SPATA16: variants seen among roughly 807,000 people sequenced by gnomAD.
SPATA16 encodes spermatogenesis-associated protein 16.
In SPATA16, 36 loss-of-function variants were observed where a neutral mutation model predicts 63.3. The ratio of observed to expected loss-of-function variants is 0.57; its 90% CI spans 0.44 to 0.75. The LOEUF is 0.75. SPATA16 is among the 30% of genes least tolerant of loss of function. The pLI is 0.00. For synonymous variants in SPATA16, 203 were observed against 216.7 expected (o/e 0.94, Z 0.56); for missense variants, 646 against 679.3 (o/e 0.95, Z 0.54).
intron 6 of SPATA16, among the ~76,000 whole-genome samples, chr3:172,940,850 G>C (rs559337105): frequency 1.1e-3 from 160 of 152,208 alleles, no homozygotes; most frequent in African/African-American, 3.6e-3. Context: ...GGGCGTGGTG[G>C]CACGTGCCTG....
intron 4 of SPATA16, among the ~76,000 whole-genome samples, chr3:172,995,709 A>G (rs1734678222): frequency 1.3e-5 from 2 of 152,142 alleles, no homozygotes; most frequent in East Asian, 1.9e-4. Flanking sequence ...ACTCTTAAAC[A>G]TAATGGACTG....
intron 3 of SPATA16, among the ~76,000 whole-genome samples, chr3:173,033,723 G>T (rs1187406285): frequency 6.6e-6 from 1 of 151,988 alleles, no homozygotes; most frequent in Non-Finnish European, 1.5e-5. Context: ...GTTTTTAGGG[G>T]GGACGGAGTC....
At chr3:173,118,759 T>G (rs1158005131) in intron 1 of SPATA16, among the ~76,000 whole-genome samples, 1 of 152,154 alleles carries the variant, frequency 6.6e-6, no homozygotes, top group Non-Finnish European at 1.5e-5. Context: ...TGCTATTACC[T>G]TCCTAGGACT....
At chr3:173,003,721 T>C (rs954413427) in intron 4 of SPATA16, among the ~76,000 whole-genome samples, 1 of 152,196 alleles carries the variant, frequency 6.6e-6, no homozygotes. Context: ...ATAGAACTAA[T>C]TCAGAGGGAA....
chr3:173,025,972 G>A (rs1437278156), intron 3 of SPATA16, among the ~76,000 whole-genome samples: 1 of 151,914 alleles, frequency 6.6e-6, no homozygotes, highest in Non-Finnish European at 1.5e-5. Flanking sequence ...CTAAGCATAT[G>A]CTCAACTTTG....
At chr3:172,979,221 A>C (rs1734241430) in intron 4 of SPATA16, among the ~76,000 whole-genome samples, 1 of 151,834 alleles carries the variant, frequency 6.6e-6, no homozygotes, top group Admixed American at 6.6e-5. Context: ...TGGGCAACAG[A>C]GCAAGACTCT....
chr3:172,895,357 C>A (rs1458211492), intron 10 of SPATA16, among the ~76,000 whole-genome samples: 3 of 152,016 alleles, frequency 2.0e-5, no homozygotes, highest in African/African-American at 7.3e-5. Flanking sequence ...TTTTTTGAGA[C>A]AAGAGTCTTG....
intron 2 of SPATA16, among the ~76,000 whole-genome samples, chr3:173,082,654 A>G (rs1211302536): frequency 6.6e-6 from 1 of 152,184 alleles, no homozygotes; most frequent in Non-Finnish European, 1.5e-5. Flanking sequence ...GGTGGGTCTA[A>G]TGGGGGTTGT....
intron 6 of SPATA16, 74 bp from the exon 7 acceptor site, chr3:172,925,566 T>G: frequency 6.3e-7 from 1 of 1,589,036 alleles, no homozygotes; most frequent in Non-Finnish European, 8.6e-7. Flanking sequence ...CCCCCCAGAT[T>G]TCAGGAATTG....
At chr3:172,951,639 A>G (rs1293222196) in intron 6 of SPATA16, among the ~76,000 whole-genome samples, 1 of 152,162 alleles carries the variant, frequency 6.6e-6, no homozygotes, top group Non-Finnish European at 1.5e-5. Context: ...TACTGCCTGG[A>G]GGACCTCCAT....
At position 173,077,345 on chromosome 3, in the gene SPATA16, A is replaced by T. The variant is rs531116058; in HGVS notation, c.613-28251T>A. On this transcript the variant is annotated intron_variant, in intron 2 of 10. Coordinates refer to ENST00000351008, the MANE Select transcript of SPATA16 (RefSeq NM_031955.6). ...TCTAGAAAAAAACCCTATTGTTTTC[A>T]AATTTAAATACTTTAGGAGAAAAGA... is the stretch of plus-strand genomic sequence containing the variant. Among the ~76,000 whole-genome samples, 3 of 152,328 alleles carry T rather than the reference A, an allele frequency of 2.0e-5. No homozygotes were observed. The South Asian group carries it at 6.2e-4, about 32-fold the overall frequency.
intron 1 of SPATA16, among the ~76,000 whole-genome samples, chr3:173,139,655 A>T (rs988542393): frequency 6.6e-6 from 1 of 152,232 alleles, no homozygotes; most frequent in African/African-American, 2.4e-5. Context: ...GTGAAATTCT[A>T]TGTAGAGGAA....
intron 1 of SPATA16, among the ~76,000 whole-genome samples, chr3:173,120,393 T>G (rs1577185344): frequency 6.6e-6 from 1 of 152,304 alleles, no homozygotes; most frequent in South Asian, 2.1e-4. Context: ...ATTTTAAGGG[T>G]TTCTGGTTCA....
intron 2 of SPATA16, among the ~76,000 whole-genome samples, chr3:173,059,832 C>CTTT (rs201000096): frequency 8.1e-4 from 58 of 71,338 alleles, no homozygotes; most frequent in African/African-American, 1.6e-3. Context: ...CATTTGGTAG[C>CTTT]TTTTTTTTTT....
chr3:173,067,041 C>T (rs1466596291), intron 2 of SPATA16, among the ~76,000 whole-genome samples: 2 of 151,978 alleles, frequency 1.3e-5, no homozygotes, highest in South Asian at 2.1e-4. Flanking sequence ...ATTGGAATTT[C>T]TCAATACCAA....
intron 3 of SPATA16, among the ~76,000 whole-genome samples, chr3:173,028,695 GATAAT>G (rs769335842): frequency 4.5e-4 from 69 of 152,136 alleles, no homozygotes; most frequent in East Asian, 3.1e-3. Flanking sequence ...TAAATGATAT[GATAAT>G]ATAATAGAGC....
At chr3:173,115,932 GC>G (rs1170425318) in intron 2 of SPATA16, among the ~76,000 whole-genome samples, 1 of 140,402 alleles carries the variant, frequency 7.1e-6, no homozygotes, top group Non-Finnish European at 1.5e-5. Context: ...TTACTCTGTT[GC>G]CCAGCCTGGA....
intron 4 of SPATA16, among the ~76,000 whole-genome samples, chr3:172,985,544 C>T (rs1376757415): frequency 6.6e-6 from 1 of 152,122 alleles, no homozygotes; most frequent in Admixed American, 6.5e-5. Context: ...CACAAAGAAC[C>T]TTGCAAATGT....
At chr3:173,113,969 CAGG>C (rs1387613557) in intron 2 of SPATA16, among the ~76,000 whole-genome samples, 1 of 152,072 alleles carries the variant, frequency 6.6e-6, no homozygotes, top group African/African-American at 2.4e-5. Context: ...CACCTGATGT[CAGG>C]AGTTCAAGAC....
Sources: gnomAD v4.1 joint callset for allele counts (sites outside exome capture counted in the v4.1 genomes callset) on GRCh38, gnomAD v4.1.1 for gene constraint, MANE v1.5 for transcripts, NCBI Gene and HGNC (gene_info 2026-07-23, HGNC 2026-07-21) for gene names.